Variants in USP15 observed in about 807,000 individuals in gnomAD.
USP15 encodes the protein ubiquitin specific peptidase 15, also known as ubiquitin carboxyl-terminal hydrolase 15.
A neutral mutation model predicts 127.1 loss-of-function variants in USP15; 18 were observed. That is an observed-to-expected ratio of 0.14 (90% CI 0.10 to 0.21). USP15 has a LOEUF of 0.21. Ranked by LOEUF, USP15 falls within the 10% of genes least tolerant of loss-of-function variation. USP15 has a pLI of 1.00. For synonymous variants in USP15, 364 were observed against 393.7 expected (o/e 0.92, Z 0.89); for missense variants, 805 against 1,159.9 (o/e 0.69, Z 4.44).
intron 6 of USP15, among the ~76,000 whole-genome samples, chr12:62,331,423 C>G (rs1379057401): frequency 1.3e-5 from 2 of 152,146 alleles, no homozygotes; most frequent in African/African-American, 4.8e-5. Context: ...TTGACATTTA[C>G]TAGGTGAACC....
intron 12 of USP15, 30 bp from the exon 13 acceptor site, chr12:62,389,575 C>G (rs1359077541): frequency 1.2e-6 from 2 of 1,609,768 alleles, no homozygotes; most frequent in South Asian, 2.2e-5. Flanking sequence ...TGCTGTAAAA[C>G]CAGCTTAATA....
Position 62,415,309 on chromosome 12 carries a change from A to G in USP15, c.*10934A>G, listed in dbSNP as rs978694850. ...TACTTGAGCCTTTTTTGTTCTATTC[A>G]GGCCTTCAATTCATGAGAGCCACCA... On this transcript the variant is annotated 3_prime_UTR_variant, in exon 22 of 22. Coordinates refer to ENST00000280377, the MANE Select transcript of USP15 (RefSeq NM_001252078.2). 2.0e-5 allele frequency: 3 copies of G among 152,218 alleles called. No individual in the cohort carries two copies. The highest frequency in any genetic ancestry group is 4.4e-5 in the Non-Finnish European group (3 of 68,044). The allele number at this position is 152,218 out of a possible 1,614,324, so 9.4% of individuals were successfully genotyped here. A position where few individuals can be genotyped will look rare whatever the true frequency, so the allele number is the denominator to read the frequency against.
At chr12:62,265,840 C>T (rs1232863178) in intron 1 of USP15, among the ~76,000 whole-genome samples, 11 of 152,118 alleles carry the variant, frequency 7.2e-5, no homozygotes, top group Admixed American at 7.2e-4. Context: ...GGTGTGAACC[C>T]CTATGCCCAG....
At chr12:62,331,784 A>T (rs538944547) in intron 6 of USP15, among the ~76,000 whole-genome samples, 280 of 152,332 alleles carry the variant, frequency 1.8e-3, no homozygotes, top group African/African-American at 6.2e-3. Context: ...GTTACAAAAA[A>T]AATATGTGTA....
chr12:62,390,025 A>G (rs567599908), intron 14 of USP15, 37 bp downstream of exon 14: 1 of 1,504,150 alleles, frequency 6.6e-7, no homozygotes, highest in South Asian at 1.3e-5. Context: ...CAAAATAAAT[A>G]TGGGAATAAA....
At chr12:62,313,442 A>C (rs1311081172) in intron 3 of USP15, among the ~76,000 whole-genome samples, 1 of 151,554 alleles carries the variant, frequency 6.6e-6, no homozygotes, top group Non-Finnish European at 1.5e-5. Context: ...TGAGGCCTGC[A>C]GTTTACCTTA....
At chr12:62,390,291 A>G (rs571681640) in intron 14 of USP15, among the ~76,000 whole-genome samples, 2 of 152,324 alleles carry the variant, frequency 1.3e-5, no homozygotes, top group East Asian at 1.9e-4. Flanking sequence ...ATTCTGTGAA[A>G]TCATAACAAA....
chr12:62,399,838 T>G (rs1416876027), intron 20 of USP15, among the ~76,000 whole-genome samples: 1 of 152,172 alleles, frequency 6.6e-6, no homozygotes, highest in East Asian at 1.9e-4. Flanking sequence ...GTCGGTTGAT[T>G]GGCTTGTCTT....
chr12:62,330,757 CA>C (rs201549202), intron 6 of USP15, among the ~76,000 whole-genome samples: 66 of 123,204 alleles, frequency 5.4e-4, no homozygotes, highest in Admixed American at 2.5e-3. Context: ...CCCGTCTCTA[CA>C]AAAAAAAAAA....
At chr12:62,279,856 G>C (rs1592483254) in intron 1 of USP15, among the ~76,000 whole-genome samples, 1 of 152,154 alleles carries the variant, frequency 6.6e-6, no homozygotes, top group Admixed American at 6.5e-5. Flanking sequence ...TTGCCTATTA[G>C]TTTGTAATGA....
chr12:62,393,254 A>G, intron 19 of USP15, 52 bp downstream of exon 19: 1 of 1,573,498 alleles, frequency 6.4e-7, no homozygotes, highest in South Asian at 1.2e-5. Flanking sequence ...TTTCAAACTT[A>G]TTTGATGCTT....
intron 8 of USP15, among the ~76,000 whole-genome samples, chr12:62,376,747 A>C (rs1207967762): frequency 2.6e-5 from 4 of 152,196 alleles, no homozygotes; most frequent in African/African-American, 9.6e-5. Context: ...CCTGTTTAAC[A>C]GTCCAGGAAG....
chr12:62,362,502 T>G (rs1029378955), intron 8 of USP15, among the ~76,000 whole-genome samples: 3 of 152,214 alleles, frequency 2.0e-5, no homozygotes, highest in Non-Finnish European at 2.9e-5. Flanking sequence ...GCTTTTATTC[T>G]TCTGAGTATC....
At chr12:62,276,923 T>A (rs977723021) in intron 1 of USP15, among the ~76,000 whole-genome samples, 8 of 152,158 alleles carry the variant, frequency 5.3e-5, no homozygotes, top group African/African-American at 1.9e-4. Flanking sequence ...TGTCCCAATT[T>A]TTAAATGTGT....
At chr12:62,269,519 A>G (rs757998145) in intron 1 of USP15, among the ~76,000 whole-genome samples, 15 of 152,108 alleles carry the variant, frequency 9.9e-5, no homozygotes, top group Non-Finnish European at 1.6e-4. Flanking sequence ...CCTGGGCTCA[A>G]GCAATTCCAC....
intron 8 of USP15, among the ~76,000 whole-genome samples, chr12:62,358,485 C>A (rs113712326): frequency 0.072 from 10,962 of 152,104 alleles, 589 homozygotes; most frequent in Non-Finnish European, 0.11. Flanking sequence ...GAGGCCAAGG[C>A]GAGTGGATCA....
intron 11 of USP15, 123 bp downstream of exon 11, chr12:62,384,425 A>G (rs1367586823): frequency 6.5e-6 from 5 of 768,928 alleles, no homozygotes; most frequent in Admixed American, 6.4e-5. Context: ...AGCCCAATCA[A>G]TAATGTTTAT....
chr12:62,266,332 A>G (rs567334708), intron 1 of USP15, among the ~76,000 whole-genome samples: 28 of 152,274 alleles, frequency 1.8e-4, no homozygotes, highest in Admixed American at 1.4e-3. Flanking sequence ...AGCCACAAAT[A>G]CATACGGCTT....
At chr12:62,376,609 T>G (rs1239880578) in intron 8 of USP15, among the ~76,000 whole-genome samples, 1 of 152,168 alleles carries the variant, frequency 6.6e-6, no homozygotes, top group East Asian at 1.9e-4. Flanking sequence ...TCACAAAACT[T>G]ATAAGTAGCC....
Sources: gnomAD v4.1 joint callset for allele counts (sites outside exome capture counted in the v4.1 genomes callset) on GRCh38, gnomAD v4.1.1 for gene constraint, MANE v1.5 for transcripts, NCBI Gene and HGNC (gene_info 2026-07-23, HGNC 2026-07-21) for gene names.